The following SLC43A2 variants were observed in gnomAD, a reference collection of about 807,000 sequenced individuals.
SLC43A2 encodes the protein solute carrier family 43 member 2, also known as large neutral amino acids transporter small subunit 4.
SLC43A2 carries 38 observed loss-of-function variants against 63.2 expected under a neutral mutation model. That is an observed-to-expected ratio of 0.60 (90% CI 0.46 to 0.79). The LOEUF (loss-of-function observed/expected upper bound fraction) is 0.79. Among genes scored for constraint, SLC43A2 ranks in the 30% least tolerant of loss-of-function variants. The probability of loss-of-function intolerance (pLI) is 0.00; values close to 1 mark genes in which losing one functional copy is unlikely to be tolerated. For missense variants in SLC43A2, 644 were observed against 756.2 expected, an observed-to-expected ratio of 0.85 and a Z score of 1.74; for synonymous variants, 322 against 331.0, an observed-to-expected ratio of 0.97 and a Z score of 0.30.
intron 5 of SLC43A2, chr17:1,604,726 C>T (rs1906422104): frequency 1.3e-6 from 2 of 1,535,656 alleles, no homozygotes; most frequent in East Asian, 2.4e-5. Context: ...GACCCATCTG[C>T]CCCCTGCCCT....
At chr17:1,600,039 G>A (rs112706509) in intron 5 of SLC43A2, among the ~76,000 whole-genome samples, 25,213 of 130,692 alleles carry the variant, frequency 0.19, 2,710 homozygotes, top group East Asian at 0.39. Context: ...GCAAGACTCC[G>A]TCTCAAAAAA....
At chr17:1,610,544 C>A (rs1414469743) in intron 5 of SLC43A2, among the ~76,000 whole-genome samples, 1 of 150,712 alleles carries the variant, frequency 6.6e-6, no homozygotes, top group African/African-American at 2.4e-5. Context: ...GCTGGGATTA[C>A]AGGTGTGAGC....
chr17:1,618,082 G>A (rs899705613), intron 2 of SLC43A2, among the ~76,000 whole-genome samples: 5 of 152,218 alleles, frequency 3.3e-5, no homozygotes, highest in East Asian at 1.9e-4. Flanking sequence ...CTGTAGCGCC[G>A]AGGTTTGCAA....
At chr17:1,619,009 A>G (rs370261072) in intron 2 of SLC43A2, among the ~76,000 whole-genome samples, 7 of 151,588 alleles carry the variant, frequency 4.6e-5, no homozygotes, top group African/African-American at 1.7e-4. Flanking sequence ...ACAAACAAAC[A>G]AACAAACAGA....
chr17:1,599,764 GCC>G (rs1458169759), intron 5 of SLC43A2, among the ~76,000 whole-genome samples: 1 of 151,096 alleles, frequency 6.6e-6, no homozygotes, highest in Non-Finnish European at 1.5e-5. Flanking sequence ...AAATTATTTG[GCC>G]AGGCGCGGTG....
rs769826327 is a variant in SLC43A2 at position 1,578,294 on chromosome 17, C to A, written c.1380G>T (p.Val460=). ...QILSFILHTI[V]RGFIHSAVGG... ...CGACAGCGGAGTGGATGAATCCTCG[C>A]ACGATTGTGTGCAGGATGAAGGAGA... The change falls in exon 12 of 14, where the codon GTG becomes GTT. Residue 460 remains valine, a synonymous_variant. Transcript: ENST00000301335. This position sits in a 1 kb window ranked among gnomAD's most constrained non-coding sequence, Gnocchi z 6.5. 50 of 1,614,012 alleles carry A rather than the reference C, an allele frequency of 3.1e-5. No homozygotes were observed. Among genetic ancestry groups the A allele is most frequent in the Non-Finnish European group, 4.2e-5 (50 of 1,179,990 alleles).
chr17:1,615,034 G>A lies in SLC43A2; in HGVS notation c.369C>T (p.Ser123=), dbSNP rs576478841. The A allele has an allele frequency of 1.2e-5, 19 of 1,613,858 alleles. No individual in the cohort carries two copies. The highest frequency in any genetic ancestry group is 6.6e-5 in the South Asian group (6 of 91,076). ...YGPRKLRLLG[S]ACFAVSCLLI... ...GCAAGCAGGAAACCGCGAAGCAGGC[G>A]CTAAAACCAAGCAGAAACGCAATGT... Residue 123 remains serine, a splice_region_variant and synonymous_variant, in exon 4 of 14, where the codon AGC becomes AGT. Transcript: ENST00000301335.
chr17:1,578,543 T>C lies in SLC43A2; in HGVS notation c.1351-220A>G, dbSNP rs2075967148. The C allele has an allele frequency of 3.6e-6, 2 of 548,572 alleles. No individual in the cohort carries two copies. Among genetic ancestry groups the C allele is most frequent in the South Asian group, 4.8e-5 (2 of 41,554 alleles). 34.0% of individuals were successfully genotyped at this position (548,572 alleles called of 1,614,324 possible). Reference sequence around the variant, plus strand: ...TTTGTTTGTTTTGTTTTTTGTTTTGTTTGAGAAGAAGTCTTGCTTTGTCGC... The same window carrying C: ...TTTGTTTGTTTTGTTTTTTGTTTTGCTTGAGAAGAAGTCTTGCTTTGTCGC... On this transcript the variant is annotated intron_variant, in intron 11 of 13. Transcript: ENST00000301335. The surrounding 1 kb of genome is among the most constrained non-coding windows in gnomAD (Gnocchi z 6.5).
Position 1,605,051 on chromosome 17 carries a change from G to C in SLC43A2, c.501+8144C>G, listed in dbSNP as rs1041827801. 53 of 1,412,826 alleles carry C rather than the reference G, an allele frequency of 3.8e-5. No homozygotes were observed. The highest frequency in any genetic ancestry group is 4.2e-5 in the Non-Finnish European group (46 of 1,084,742). 87.5% of individuals were successfully genotyped at this position (1,412,826 alleles called of 1,614,324 possible). On this transcript the variant is annotated intron_variant, in intron 5 of 13. Coordinates refer to ENST00000301335, the MANE Select transcript of SLC43A2 (RefSeq NM_152346.3). The surrounding 1 kb of genome is among the most constrained non-coding windows in gnomAD (Gnocchi z 4.9). ...AGCTTTGCTGCCAAGCAGGAAGCCG[G>C]AGCTGTTTCCTGACTCACCACCACA...
intron 5 of SLC43A2, chr17:1,603,256 A>G (rs925185660): frequency 5.9e-5 from 9 of 152,084 alleles, no homozygotes; most frequent in African/African-American, 2.2e-4. Context: ...ACAAATTAGT[A>G]TTCCCCTTTA....
intron 5 of SLC43A2, among the ~76,000 whole-genome samples, chr17:1,594,835 G>A (rs944553256): frequency 3.7e-4 from 56 of 151,648 alleles, no homozygotes; most frequent in East Asian, 2.5e-3. Context: ...TGATCCGCCC[G>A]CCTTGGCCTC....
chr17:1,627,892 C>A lies in SLC43A2; in HGVS notation c.-18G>T. On this transcript the variant is annotated 5_prime_UTR_variant, in exon 2 of 14. Coordinates refer to ENST00000301335, the MANE Select transcript of SLC43A2 (RefSeq NM_152346.3). ...GGCGCCATGGTGCGGCGCGGCGCGG[C>A]TCCGGCTCCGGCTCCGGCTCTGCAC... 1 of 1,530,670 alleles carries A rather than the reference C, an allele frequency of 6.5e-7. No homozygotes were observed. Among genetic ancestry groups the A allele is most frequent in the Non-Finnish European group, 8.8e-7 (1 of 1,138,978 alleles). The allele number at this position is 1,530,670 out of a possible 1,614,324, so 94.8% of individuals were successfully genotyped here.
At chr17:1,587,440 C>T (rs1316766735) in intron 9 of SLC43A2, among the ~76,000 whole-genome samples, 1 of 152,244 alleles carries the variant, frequency 6.6e-6, no homozygotes, top group Non-Finnish European at 1.5e-5. Context: ...CATCTGACAC[C>T]ATGGGTCTCC....
Position 1,578,673 on chromosome 17 carries a change from C to CCACCGAGATCTA in SLC43A2, c.1351-351_1351-350insTAGATCTCGGTG. The CCACCGAGATCTA allele has an allele frequency of 4.4e-6, 1 of 228,480 alleles. No homozygotes were observed. The highest frequency in any genetic ancestry group is 9.6e-5 in the East Asian group (1 of 10,448). The allele number at this position is 228,480 out of a possible 1,614,324, so 14.2% of individuals were successfully genotyped here. ...CTTCGGAGTAGCTAGGATTACAGGC[C>CCACCGAGATCTA]CACGCCACCATGCCCGGCTAATTTT... On this transcript the variant is annotated intron_variant, in intron 11 of 13. Coordinates refer to ENST00000301335, the MANE Select transcript of SLC43A2 (RefSeq NM_152346.3). The surrounding 1 kb of genome is among the most constrained non-coding windows in gnomAD (Gnocchi z 6.5).
intron 5 of SLC43A2, among the ~76,000 whole-genome samples, chr17:1,607,975 C>G (rs2151067435): frequency 6.6e-6 from 1 of 152,276 alleles, no homozygotes; most frequent in South Asian, 2.1e-4. Flanking sequence ...CTCAGCCTCC[C>G]AAAGTGCTGG....
rs1255743377 is a variant in SLC43A2 at position 1,627,841 on chromosome 17, G to A, written c.34C>T (p.Arg12Cys). 3 of 1,586,072 alleles carry A rather than the reference G, an allele frequency of 1.9e-6. No individual in the cohort carries two copies. Among genetic ancestry groups the A allele is most frequent in the South Asian group, 2.3e-5 (2 of 87,380 alleles). Residue 12 changes from arginine (R) to cysteine (C), a missense_variant, in exon 2 of 14, where the codon CGC (arginine) becomes TGC (cysteine). By Grantham distance (180) the Arg-to-Cys change is radical (BLOSUM62 -3). Transcript: ENST00000301335. ...ACGGCCGTGCAGGCCATCCACCAGCGGCGCCGATGGGCAGTGGCCAGGGTG... is the reference window on the plus strand; with the variant it reads ...ACGGCCGTGCAGGCCATCCACCAGCAGCGCCGATGGGCAGTGGCCAGGGTG... ...APTLATAHRR[R>C]WWMACTAVLE...
intron 2 of SLC43A2, among the ~76,000 whole-genome samples, chr17:1,617,270 C>T (rs1048006181): frequency 1.3e-5 from 2 of 152,246 alleles, no homozygotes; most frequent in African/African-American, 4.8e-5. Context: ...AAGCACTGGT[C>T]TCACCCCAAT....
intron 5 of SLC43A2, among the ~76,000 whole-genome samples, chr17:1,600,857 CT>C (rs775488616): frequency 2.0e-3 from 283 of 143,210 alleles, no homozygotes; most frequent in Middle Eastern, 7.0e-3. Flanking sequence ...TGCGCCCAGA[CT>C]TTTTTTTTTT....
At chr17:1,611,821 G>GGA (rs1488271884) in intron 5 of SLC43A2, among the ~76,000 whole-genome samples, 1 of 152,130 alleles carries the variant, frequency 6.6e-6, no homozygotes, top group Non-Finnish European at 1.5e-5. Flanking sequence ...TTTCCTTGAT[G>GGA]GACAGAAGCC....
Sources: gnomAD v4.1 joint callset for allele counts (sites outside exome capture counted in the v4.1 genomes callset) on GRCh38, gnomAD v4.1.1 for gene constraint, Gnocchi (gnomAD v3.1) non-coding constraint, MANE v1.5 for transcripts, NCBI Gene and HGNC (gene_info 2026-07-23, HGNC 2026-07-21) for gene names.